HTR1F: variants seen among roughly 807,000 people sequenced by gnomAD.
HTR1F encodes the protein 5-hydroxytryptamine (serotonin) receptor 1F, G protein-coupled.
HTR1F carries 17 observed loss-of-function variants against 24.0 expected under a neutral mutation model. The ratio of observed to expected loss-of-function variants is 0.71; its 90% confidence interval spans 0.48 to 1.06. The LOEUF is 1.06. Ranked by LOEUF, HTR1F falls within the 50% of genes least tolerant of loss-of-function variation. The probability of loss-of-function intolerance (pLI) is 0.00; values close to 1 mark genes in which losing one functional copy is unlikely to be tolerated. For missense variants in HTR1F, 391 were observed against 427.8 expected (o/e 0.91, Z 0.76); for synonymous variants, 186 against 156.8 (o/e 1.19, Z -1.39).
chr3:87,979,570 A>C (rs1018790156), intron 2 of HTR1F, among the ~76,000 whole-genome samples: 1 of 152,172 alleles, frequency 6.6e-6, no homozygotes, highest in African/African-American at 2.4e-5. Context: ...TAAAAATGTC[A>C]CAAGATCCTT....
intron 2 of HTR1F, among the ~76,000 whole-genome samples, chr3:87,865,722 T>TA (rs1242355244): frequency 1.3e-5 from 2 of 152,320 alleles, no homozygotes; most frequent in East Asian, 3.9e-4. Flanking sequence ...TTCTCTAGTA[T>TA]AAAAAATTAT....
At chr3:87,916,962 C>T (rs1360809413) in intron 2 of HTR1F, among the ~76,000 whole-genome samples, 1 of 151,964 alleles carries the variant, frequency 6.6e-6, no homozygotes, top group East Asian at 1.9e-4. Flanking sequence ...ACATGATAGA[C>T]CACAAAACAA....
intron 2 of HTR1F, among the ~76,000 whole-genome samples, chr3:87,974,567 T>TTA (rs1553683402): frequency 6.6e-6 from 1 of 151,836 alleles, no homozygotes. Flanking sequence ...AATCTTTTTT[T>TTA]AAAAAATGAC....
intron 2 of HTR1F, among the ~76,000 whole-genome samples, chr3:87,938,634 GCACA>G (rs1218418407): frequency 6.6e-6 from 1 of 152,018 alleles, no homozygotes; most frequent in Non-Finnish European, 1.5e-5. Context: ...AAGTAAGGCT[GCACA>G]CCTAAGACCA....
chr3:87,979,129 G>A (rs1185674547), intron 2 of HTR1F, among the ~76,000 whole-genome samples: 11 of 77,910 alleles, frequency 1.4e-4, no homozygotes, highest in African/African-American at 5.0e-4. Flanking sequence ...GGGAGGGAGG[G>A]AGGGAGGGAG....
chr3:87,953,028 G>T (rs529235651), intron 2 of HTR1F, among the ~76,000 whole-genome samples: 32 of 151,650 alleles, frequency 2.1e-4, no homozygotes, highest in African/African-American at 7.2e-4. Context: ...ATCTCAACAT[G>T]TATAAAAGTC....
rs77976803 is a variant in HTR1F, at chr3:87,985,606, T to C, written c.-42-5102T>C. On this transcript the variant is annotated intron_variant, in intron 2 of 2. Transcript: ENST00000319595. ...TAATGCATGGAAAGCACTTAGTACA[T>C]TGCATGCAGAAGTAAACACTCAGAA... Among the ~76,000 whole-genome samples, 1,441 of 152,346 alleles carry C rather than the reference T, an allele frequency of 9.5e-3. 26 individuals are homozygous for C. The highest frequency in any genetic ancestry group is 0.033 in the African/African-American group (1,381 of 41,574).
chr3:87,843,980 A>G (rs978562445), intron 2 of HTR1F, among the ~76,000 whole-genome samples: 1 of 151,130 alleles, frequency 6.6e-6, no homozygotes, highest in Admixed American at 6.6e-5. Flanking sequence ...TAATGCTGCA[A>G]TAAACATACG....
chr3:87,989,555 T>A (rs1257493907), intron 2 of HTR1F, among the ~76,000 whole-genome samples: 1 of 152,202 alleles, frequency 6.6e-6, no homozygotes, highest in Non-Finnish European at 1.5e-5. Context: ...TATACTAATT[T>A]TTTTTGCTAT....
intron 2 of HTR1F, among the ~76,000 whole-genome samples, chr3:87,848,765 G>T (rs1705008283): frequency 6.6e-6 from 1 of 151,486 alleles, no homozygotes; most frequent in Admixed American, 6.6e-5. Context: ...AAAGTCTCAG[G>T]ATACAAAACC....
chr3:87,949,590 T>C (rs1411086041), intron 2 of HTR1F, among the ~76,000 whole-genome samples: 1 of 152,192 alleles, frequency 6.6e-6, no homozygotes, highest in South Asian at 2.1e-4. Context: ...CCAGAAGGGA[T>C]GGCTGACAGT....
chr3:87,923,492 A>G (rs1003719810), intron 2 of HTR1F, among the ~76,000 whole-genome samples: 4 of 151,894 alleles, frequency 2.6e-5, no homozygotes, highest in African/African-American at 9.6e-5. Flanking sequence ...ATATTTTTGT[A>G]GCTATTATAA....
chr3:87,864,723 C>T (rs1351559825), intron 2 of HTR1F, among the ~76,000 whole-genome samples: 7 of 151,898 alleles, frequency 4.6e-5, no homozygotes, highest in Non-Finnish European at 8.8e-5. Flanking sequence ...TGGTGAAACA[C>T]CGTCTCTACT....
intron 2 of HTR1F, among the ~76,000 whole-genome samples, chr3:87,902,483 A>T (rs1706347279): frequency 6.6e-6 from 1 of 152,182 alleles, no homozygotes; most frequent in Admixed American, 6.6e-5. Flanking sequence ...AACGTACTTC[A>T]TGACCTTGGG....
chr3:87,864,903 AAAAG>A (rs374471485), intron 2 of HTR1F, among the ~76,000 whole-genome samples: 9,986 of 90,048 alleles, frequency 0.11, 962 homozygotes, highest in African/African-American at 0.45. Flanking sequence ...AAAAAAAAAA[AAAAG>A]AAAAGAAAAG....
intron 2 of HTR1F, among the ~76,000 whole-genome samples, chr3:87,894,639 A>C (rs1706161245): frequency 6.6e-6 from 1 of 150,788 alleles, no homozygotes; most frequent in African/African-American, 2.4e-5. Context: ...CATTTTCAAA[A>C]TAAAAGTAAA....
chr3:87,871,214 T>A (rs1287032540), intron 2 of HTR1F, among the ~76,000 whole-genome samples: 1 of 151,348 alleles, frequency 6.6e-6, no homozygotes, highest in African/African-American at 2.4e-5. Context: ...AGATAGAAAC[T>A]ATTAAAAAGA....
chr3:87,888,297 C>T (rs1343394723), intron 2 of HTR1F, among the ~76,000 whole-genome samples: 2 of 152,058 alleles, frequency 1.3e-5, no homozygotes, highest in Non-Finnish European at 2.9e-5. Flanking sequence ...GGAAAGGGAA[C>T]ATCACACACC....
chr3:87,911,751 A>C (rs1703782544), intron 2 of HTR1F, among the ~76,000 whole-genome samples: 1 of 152,130 alleles, frequency 6.6e-6, no homozygotes. Flanking sequence ...GGAATGCAAG[A>C]TTTGTTCAAC....
Sources: allele counts gnomAD v4.1 joint callset (sites outside exome capture counted in the v4.1 genomes callset), GRCh38; gene constraint gnomAD v4.1.1; transcripts MANE v1.5; gene names NCBI Gene and HGNC (gene_info 2026-07-23, HGNC 2026-07-21).